GLG1: variants seen among roughly 807,000 people sequenced by gnomAD.
The protein encoded by GLG1 is golgi glycoprotein 1.
A neutral mutation model predicts 160.5 loss-of-function variants in GLG1; 38 were observed. The observed-to-expected ratio is 0.24, with a 90% CI of 0.18 to 0.31. The LOEUF (loss-of-function observed/expected upper bound fraction) is 0.31, where lower values mean the gene tolerates loss of function less well. Ranked by LOEUF, GLG1 falls within the 10% of genes least tolerant of loss-of-function variation. GLG1 has a pLI of 1.00. For missense variants in GLG1, 1,373 were observed against 1,505.2 expected, an observed-to-expected ratio of 0.91 and a Z score of 1.45; for synonymous variants, 644 against 543.4, an observed-to-expected ratio of 1.19 and a Z score of -2.57.
At chr16:74,595,916 G>A (rs971888099) in intron 1 of GLG1, among the ~76,000 whole-genome samples, 1 of 150,744 alleles carries the variant, frequency 6.6e-6, no homozygotes, top group Non-Finnish European at 1.5e-5. Flanking sequence ...CTGAGGTCAG[G>A]AGTTCGAGAT....
chr16:74,504,631 T>C (rs984221487), intron 3 of GLG1, among the ~76,000 whole-genome samples: 4 of 152,216 alleles, frequency 2.6e-5, no homozygotes, highest in Non-Finnish European at 5.9e-5. Flanking sequence ...TAACTATGGA[T>C]TGAACATGTG....
chr16:74,496,401 A>C (rs761342732), intron 5 of GLG1, 40 bp downstream of exon 5: 1 of 1,345,072 alleles, frequency 7.4e-7, no homozygotes, highest in Admixed American at 1.8e-5. Context: ...ATATGTGTAA[A>C]AATAAAAGGA....
At chr16:74,551,872 C>G (rs1403360038) in intron 1 of GLG1, among the ~76,000 whole-genome samples, 1 of 151,000 alleles carries the variant, frequency 6.6e-6, no homozygotes, top group African/African-American at 2.4e-5. Flanking sequence ...GCCATTAGTC[C>G]AAGTAGATAC....
At chr16:74,575,188 G>C (rs906478796) in intron 1 of GLG1, among the ~76,000 whole-genome samples, 7 of 151,836 alleles carry the variant, frequency 4.6e-5, no homozygotes, top group Admixed American at 1.3e-4. Context: ...AGAGGCTGTA[G>C]TGAGCTGAGA....
At chr16:74,531,177 G>A (rs3973385) in intron 2 of GLG1, among the ~76,000 whole-genome samples, 102,682 of 151,728 alleles carry the variant, frequency 0.68, 34,925 homozygotes, top group East Asian at 0.81. Context: ...CTAGGTTTTC[G>A]TAAGAGTAAG....
chr16:74,472,951 A>T, intron 13 of GLG1: 1 of 164,282 alleles, frequency 6.1e-6, no homozygotes, highest in Middle Eastern at 3.0e-3. Context: ...TAAGTCCATG[A>T]TGACAATGAT....
At chr16:74,515,109 A>G (rs1179903578) in intron 2 of GLG1, among the ~76,000 whole-genome samples, 1 of 152,226 alleles carries the variant, frequency 6.6e-6, no homozygotes, top group Admixed American at 6.5e-5. Flanking sequence ...TCCTAAATAT[A>G]TATGCACCCA....
rs576560082 is a variant in GLG1, at chr16:74,527,176, T to C, written c.471+4945A>G. Among the ~76,000 whole-genome samples, 147 of 152,110 alleles carry C rather than the reference T, an allele frequency of 9.7e-4. No individual in the cohort carries two copies. In the Middle Eastern group the frequency reaches 0.014, roughly 14 times the overall value. On this transcript the variant is annotated intron_variant, in intron 2 of 25. Transcript: ENST00000422840. The stretch of plus-strand genomic sequence containing the variant: ...TTCCTACCCACCCTTTGTGCTACTG[T>C]TGTCATATATTTTATTCTACATGTT...
chr16:74,589,421 G>T (rs184574854), intron 1 of GLG1, among the ~76,000 whole-genome samples: 1 of 152,282 alleles, frequency 6.6e-6, no homozygotes, highest in East Asian at 1.9e-4. Context: ...GAAGCAGCGG[G>T]CTGTGCTGAG....
chr16:74,485,466 T>C (rs1363828127), intron 9 of GLG1, among the ~76,000 whole-genome samples: 2 of 152,252 alleles, frequency 1.3e-5, no homozygotes, highest in African/African-American at 2.4e-5. Context: ...CCAAAGTATG[T>C]ACCACCTATC....
At chr16:74,538,052 T>C (rs2017734101) in intron 1 of GLG1, among the ~76,000 whole-genome samples, 1 of 151,228 alleles carries the variant, frequency 6.6e-6, no homozygotes, top group Non-Finnish European at 1.5e-5. Context: ...TTGTCTAAAA[T>C]ATGGAACATT....
At chr16:74,504,244 G>A (rs1296359047) in intron 3 of GLG1, among the ~76,000 whole-genome samples, 1 of 152,178 alleles carries the variant, frequency 6.6e-6, no homozygotes, top group Non-Finnish European at 1.5e-5. Flanking sequence ...AAGGGCCAAG[G>A]AGAGACAGGA....
intron 1 of GLG1, among the ~76,000 whole-genome samples, chr16:74,601,241 T>C (rs1027269267): frequency 2.0e-5 from 3 of 152,006 alleles, no homozygotes; most frequent in African/African-American, 4.8e-5. Context: ...CCAGAGAATA[T>C]ATACAGGAAA....
rs559096281 is a variant in GLG1 at position 74,549,265 on chromosome 16, T to C, written c.439-17112A>G. The stretch of plus-strand genomic sequence containing the variant: ...GTAATGTACTGTATTATAACCTGTT[T>C]ACATATTCCTTGCAGGTGGAATTTT... On this transcript the variant is annotated intron_variant, in intron 1 of 25. Coordinates refer to ENST00000422840, the MANE Select transcript of GLG1 (RefSeq NM_001145667.2). 8.5e-5 allele frequency among the ~76,000 whole-genome samples: 13 copies of C among 152,220 alleles called. No individual in the cohort carries two copies. In the East Asian group the frequency reaches 2.5e-3, roughly 29 times the overall value.
At chr16:74,473,692 G>A (rs1410112405) in intron 13 of GLG1, among the ~76,000 whole-genome samples, 2 of 151,834 alleles carry the variant, frequency 1.3e-5, no homozygotes, top group Non-Finnish European at 1.5e-5. Context: ...CGCCCGCCTC[G>A]CCTCCCAAAG....
intron 1 of GLG1, among the ~76,000 whole-genome samples, chr16:74,571,905 C>A (rs1236763412): frequency 6.6e-6 from 1 of 152,184 alleles, no homozygotes; most frequent in Non-Finnish European, 1.5e-5. Flanking sequence ...GTGTTCCCAG[C>A]ATGTGATACT....
At chr16:74,503,441 G>C (rs920003025) in intron 4 of GLG1, 90 bp downstream of exon 4, 1 of 847,050 alleles carries the variant, frequency 1.2e-6, no homozygotes, top group Non-Finnish European at 2.0e-6. Context: ...GGTCACTCCA[G>C]TCCTAAATTT....
chr16:74,467,909 C>A, intron 17 of GLG1, 61 bp from the exon 18 acceptor site: 1 of 1,099,318 alleles, frequency 9.1e-7, no homozygotes, highest in South Asian at 1.3e-5. Flanking sequence ...GTCATATGTT[C>A]TGGAGACTTA....
chr16:74,600,329 G>C (rs529157926), intron 1 of GLG1, among the ~76,000 whole-genome samples: 1 of 151,746 alleles, frequency 6.6e-6, no homozygotes, highest in East Asian at 1.9e-4. Context: ...GGAGTTTGAG[G>C]TTGCAGTGAG....
Sources: allele counts gnomAD v4.1 joint callset (sites outside exome capture counted in the v4.1 genomes callset), GRCh38; gene constraint gnomAD v4.1.1; transcripts MANE v1.5; gene names NCBI Gene and HGNC (gene_info 2026-07-23, HGNC 2026-07-21).